The following ACSL4 variants were observed in gnomAD, a reference collection of about 807,000 sequenced individuals.
ACSL4 encodes acyl-CoA synthetase long chain family member 4.
ACSL4 carries 9 observed loss-of-function variants against 49.1 expected under a neutral mutation model. The observed-to-expected ratio is 0.18, with a 90% CI of 0.11 to 0.32. The LOEUF is 0.32. Among genes scored for constraint, ACSL4 ranks in the 10% least tolerant of loss-of-function variants. ACSL4 has a pLI of 1.00. For missense variants in ACSL4, 333 were observed against 493.7 expected (o/e 0.67, Z 3.08); for synonymous variants, 191 against 170.3 (o/e 1.12, Z -0.95).
chrX:109,706,777 A>G (rs1211621169), intron 1 of ACSL4, among the ~76,000 whole-genome samples: 1 of 112,536 alleles, frequency 8.9e-6, no homozygotes, highest in East Asian at 2.8e-4. Context: ...AAGTGTGTTG[A>G]TACATGGATG....
chrX:109,660,954 A>C (rs1177908612), intron 14 of ACSL4, among the ~76,000 whole-genome samples: 2 of 111,052 alleles, frequency 1.8e-5, no homozygotes, highest in Non-Finnish European at 3.8e-5. Context: ...GTTGCTGTTT[A>C]ATGGGTATAG....
intron 2 of ACSL4, 31 bp downstream of exon 2, chrX:109,696,113 C>T (rs1008573537): frequency 4.4e-5 from 5 of 112,518 alleles, no homozygotes; most frequent in East Asian, 5.5e-4. Flanking sequence ...TAAAATTACA[C>T]ATTTAGAATT....
chrX:109,677,329 G>A (rs893790915), intron 8 of ACSL4, among the ~76,000 whole-genome samples: 1 of 110,164 alleles, frequency 9.1e-6, no homozygotes, highest in Non-Finnish European at 1.9e-5. Context: ...GAAAAATCTC[G>A]GGAAAACTGG....
intron 1 of ACSL4, among the ~76,000 whole-genome samples, chrX:109,720,526 A>G (rs1927467315): frequency 8.9e-6 from 1 of 111,834 alleles, no homozygotes; most frequent in South Asian, 3.7e-4. Context: ...TGAGCTGTAT[A>G]ACATACTTAG....
At chrX:109,697,885 A>T (rs896335969) in intron 1 of ACSL4, among the ~76,000 whole-genome samples, 1 of 110,900 alleles carries the variant, frequency 9.0e-6, no homozygotes, top group African/African-American at 3.3e-5. Context: ...ATCCTTCTAT[A>T]AAATCATCTA....
At chrX:109,680,964 A>G in intron 6 of ACSL4, 34 bp downstream of exon 6, 1 of 1,194,710 alleles carries the variant, frequency 8.4e-7, no homozygotes, top group Non-Finnish European at 1.1e-6. Flanking sequence ...AACTTGGAAT[A>G]GGTAAATAAA....
rs11322335 is a variant in ACSL4, at chrX:109,697,710, T to TGG, written c.-65-1516_-65-1515dup. 2.3e-4 allele frequency among the ~76,000 whole-genome samples: 15 copies of TGG among 65,443 alleles called. No individual in the cohort carries two copies. The South Asian group carries it at 3.7e-3, about 16-fold the overall frequency. 56.8% of individuals were successfully genotyped at this position (65,443 alleles called of 115,157 possible). A position where few individuals can be genotyped will look rare whatever the true frequency, so the allele number is the denominator to read the frequency against. ...AGAAGGCTAACATTTGCTATTGACA[T>TGG]GGGGGGGGGGGCGCGGGGAACTTGC... On this transcript the variant is annotated intron_variant, in intron 1 of 15. Coordinates refer to ENST00000672401, the MANE Select transcript of ACSL4 (RefSeq NM_001318510.2).
Position 109,659,445 on chromosome X carries a change from C to G in ACSL4, c.1764G>C (p.Gln588His), listed in dbSNP as rs1410904640. 3 of 1,206,205 alleles carry G rather than the reference C, an allele frequency of 2.5e-6. No individual in the cohort carries two copies. The highest frequency in any genetic ancestry group is 3.4e-6 in the Non-Finnish European group (3 of 890,839). The change falls in exon 15 of 16, where the codon CAG becomes CAC. Residue 588 changes from glutamine to histidine, a missense_variant. Gln to His is a conservative substitution (Grantham distance 24, BLOSUM62 0). Transcript: ENST00000672401. The part of the protein sequence containing the change: ...NQKRLTLLAQ[Q>H]KGVEGTWVDI... Reference sequence around the variant, plus strand: ...CAACCCAAGTTCCTTCTACCCCTTTCTGTTGTGCCAAAAGTGTCAACCTTT... The same window carrying G: ...CAACCCAAGTTCCTTCTACCCCTTTGTGTTGTGCCAAAAGTGTCAACCTTT...
intron 2 of ACSL4, among the ~76,000 whole-genome samples, chrX:109,694,882 A>G (rs866110154): frequency 5.4e-5 from 6 of 111,983 alleles, no homozygotes; most frequent in Middle Eastern, 9.3e-3. Context: ...TTTACTCCAT[A>G]TTGTAGTCTA....
Position 109,665,635 on chromosome X carries a change from A to G in ACSL4, c.1316-141T>C, listed in dbSNP as rs1238420966. 5 of 531,845 alleles carry G rather than the reference A, an allele frequency of 9.4e-6. No homozygotes were observed. In the Admixed American group the frequency reaches 1.3e-4, roughly 14 times the overall value. 43.8% of individuals were successfully genotyped at this position (531,845 alleles called of 1,213,427 possible). ...AAGTGTGATCATTTTTCAGTATTTCAACTCCACTTCAATAGTGCAATGGAT... is the reference window on the plus strand; with the variant it reads ...AAGTGTGATCATTTTTCAGTATTTCGACTCCACTTCAATAGTGCAATGGAT... On this transcript the variant is annotated intron_variant, in intron 11 of 15. Transcript: ENST00000672401.
chrX:109,642,783 A>G lies in ACSL4; in HGVS notation c.*1246T>C, dbSNP rs185398001. ...GTTACTGCACAAACATCAGTCCCTT[A>G]TCAAGTAACTCTGCCCTTCTCCCAA... On this transcript the variant is annotated 3_prime_UTR_variant, in exon 16 of 16. Coordinates refer to ENST00000672401, the MANE Select transcript of ACSL4 (RefSeq NM_001318510.2). 358 of 111,343 alleles carry G rather than the reference A, an allele frequency of 3.2e-3. 1 individual carries two copies. The highest frequency in any genetic ancestry group is 4.7e-3 in the Non-Finnish European group (251 of 52,905). The allele number at this position is 111,343 out of a possible 1,213,427, so 9.2% of individuals were successfully genotyped here. A position where few individuals can be genotyped will look rare whatever the true frequency, so the allele number is the denominator to read the frequency against.
intron 12 of ACSL4, 75 bp from the exon 13 acceptor site, chrX:109,663,477 A>C: frequency 4.3e-6 from 4 of 932,940 alleles, no homozygotes; most frequent in Non-Finnish European, 6.2e-6. Context: ...TACGTATGTT[A>C]GTATTTTTCT....
At chrX:109,650,156 A>G (rs1441956266) in intron 15 of ACSL4, among the ~76,000 whole-genome samples, 2 of 111,550 alleles carry the variant, frequency 1.8e-5, no homozygotes, top group African/African-American at 6.5e-5. Flanking sequence ...ATACCATTTG[A>G]CCCAGCCATC....
At chrX:109,696,930 A>T (rs972355771) in intron 1 of ACSL4, among the ~76,000 whole-genome samples, 1 of 111,547 alleles carries the variant, frequency 9.0e-6, no homozygotes, top group Non-Finnish European at 1.9e-5. Flanking sequence ...TGTAGTCCCA[A>T]CTACTCAGGA....
intron 15 of ACSL4, among the ~76,000 whole-genome samples, chrX:109,651,746 T>C (rs1370543511): frequency 8.9e-6 from 1 of 111,926 alleles, no homozygotes; most frequent in East Asian, 2.8e-4. Context: ...ACTGACAAAA[T>C]TGGGACAAGG....
At chrX:109,669,765 T>A (rs1923020578) in intron 9 of ACSL4, among the ~76,000 whole-genome samples, 2 of 112,565 alleles carry the variant, frequency 1.8e-5, no homozygotes, top group South Asian at 7.2e-4. Context: ...AAAAAAAAAT[T>A]AATCTCTGTT....
At chrX:109,648,114 A>T (rs751458514) in intron 15 of ACSL4, among the ~76,000 whole-genome samples, 83 of 112,119 alleles carry the variant, frequency 7.4e-4, no homozygotes, top group African/African-American at 2.6e-3. Context: ...AACTGATACC[A>T]TTCCTTCTGA....
intron 15 of ACSL4, among the ~76,000 whole-genome samples, chrX:109,659,123 T>A (rs1921952739): frequency 8.9e-6 from 1 of 112,316 alleles, no homozygotes; most frequent in Non-Finnish European, 1.9e-5. Flanking sequence ...ACAGGCTAGA[T>A]GACCACTTTG....
chrX:109,642,760 T>G lies in ACSL4; in HGVS notation c.*1269A>C, dbSNP rs1934484252. 9.0e-6 allele frequency: 1 copy of G among 111,532 alleles called. No individual in the cohort carries two copies. Among genetic ancestry groups the G allele is most frequent in the South Asian group, 3.8e-4 (1 of 2,658 alleles). The allele number at this position is 111,532 out of a possible 1,213,427, so 9.2% of individuals were successfully genotyped here. A position where few individuals can be genotyped will look rare whatever the true frequency, so the allele number is the denominator to read the frequency against. ...TCAAAAAGAAACCACACTCCCAAGTTACTGCACAAACATCAGTCCCTTATC... is the reference window on the plus strand; with the variant it reads ...TCAAAAAGAAACCACACTCCCAAGTGACTGCACAAACATCAGTCCCTTATC... On this transcript the variant is annotated 3_prime_UTR_variant, in exon 16 of 16. Transcript: ENST00000672401.
Sources: gnomAD v4.1 joint callset for allele counts (sites outside exome capture counted in the v4.1 genomes callset) on GRCh38, gnomAD v4.1.1 for gene constraint, MANE v1.5 for transcripts, NCBI Gene and HGNC (gene_info 2026-07-23, HGNC 2026-07-21) for gene names.